PPP2R2C: variants seen among roughly 807,000 people sequenced by gnomAD.
PPP2R2C encodes the protein protein phosphatase 2 regulatory subunit Bgamma, also known as protein phosphatase 2, regulatory subunit B, gamma.
A neutral mutation model predicts 45.3 loss-of-function variants in PPP2R2C; 10 were observed. That is an observed-to-expected ratio of 0.22 (90% confidence interval 0.14 to 0.37). The LOEUF is 0.37. Ranked by LOEUF, PPP2R2C falls within the 10% of genes least tolerant of loss-of-function variation. The pLI is 1.00. For missense variants in PPP2R2C, 308 were observed against 619.7 expected, an observed-to-expected ratio of 0.50 and a Z score of 5.34; for synonymous variants, 257 against 245.4, an observed-to-expected ratio of 1.05 and a Z score of -0.44.
At position 6,481,258 on chromosome 4, in the gene PPP2R2C, TA is replaced by T. The variant is rs1722339059; in HGVS notation, c.49+54012del. 2.6e-5 allele frequency among the ~76,000 whole-genome samples: 4 copies of T among 152,226 alleles called. No individual in the cohort carries two copies. In the South Asian group the frequency reaches 8.3e-4, roughly 32 times the overall value. On this transcript the variant is annotated intron_variant, in intron 2 of 9. Transcript: ENST00000506140. ...ACCAATACTTGTCTACCCGCTGAGTTATAAAGGTAGTAAACAGAATGTCCTT... is the reference window on the plus strand; with the variant it reads ...ACCAATACTTGTCTACCCGCTGAGTTTAAAGGTAGTAAACAGAATGTCCTT...
intron 1 of PPP2R2C, among the ~76,000 whole-genome samples, chr4:6,425,437 G>A (rs1227359438): frequency 6.6e-6 from 1 of 152,182 alleles, no homozygotes; most frequent in East Asian, 1.9e-4. Context: ...CCCTCCTCAT[G>A]AGTCATGTGA....
chr4:6,542,148 C>A (rs1220177099), intron 1 of PPP2R2C, among the ~76,000 whole-genome samples: 5 of 152,184 alleles, frequency 3.3e-5, no homozygotes, highest in Admixed American at 2.6e-4. Context: ...ACCATGTGAA[C>A]AAACTGAAGC....
chr4:6,349,326 G>A, intron 5 of PPP2R2C: 1 of 982,650 alleles, frequency 1.0e-6, no homozygotes, highest in Non-Finnish European at 1.2e-6. Context: ...GTGACCCTGA[G>A]TGAGTTCCCA....
chr4:6,372,281 A>G (rs1714893982), intron 5 of PPP2R2C, among the ~76,000 whole-genome samples: 1 of 152,204 alleles, frequency 6.6e-6, no homozygotes, highest in South Asian at 2.1e-4. Context: ...GATCATGGCC[A>G]TGCTGGAGGA....
Position 6,378,823 on chromosome 4 carries a change from T to C in PPP2R2C, c.169-251A>G, listed in dbSNP as rs546903544. Among the ~76,000 whole-genome samples the C allele has an allele frequency of 6.6e-6, 1 of 151,970 alleles. No individual in the cohort carries two copies. Among genetic ancestry groups the C allele is most frequent in the Admixed American group, 6.5e-5 (1 of 15,286 alleles). On this transcript the variant is annotated intron_variant, in intron 2 of 8. Coordinates refer to ENST00000382599, the MANE Select transcript of PPP2R2C (RefSeq NM_020416.4). The surrounding 1 kb of genome is among the most constrained non-coding windows in gnomAD (Gnocchi z 5.2). ...GCCGGCTAACTTGCTAATGCGAATGTTCCCCAGCGCCTGCTACAAGCTGGA... is the reference window on the plus strand; with the variant it reads ...GCCGGCTAACTTGCTAATGCGAATGCTCCCCAGCGCCTGCTACAAGCTGGA...
chr4:6,368,660 TG>T lies in PPP2R2C; in HGVS notation c.625+3862del, dbSNP rs1326749030. On this transcript the variant is annotated intron_variant, in intron 5 of 8. Coordinates refer to ENST00000382599, the MANE Select transcript of PPP2R2C (RefSeq NM_020416.4). This position sits in a 1 kb window ranked among gnomAD's most constrained non-coding sequence, Gnocchi z 4.2. ...TCTTGTGGCCACCCCGATCCAAAAC[TG>T]GTTATGATACAATCCAAATCTATGA... Among the ~76,000 whole-genome samples, 2 of 152,088 alleles carry T rather than the reference TG, an allele frequency of 1.3e-5. No homozygotes were observed. Among genetic ancestry groups the T allele is most frequent in the East Asian group, 3.9e-4 (2 of 5,188 alleles).
At position 6,334,341 on chromosome 4, in the gene PPP2R2C, CT is replaced by C. The variant is rs577045359; in HGVS notation, c.791-611del. Among the ~76,000 whole-genome samples, 33 of 152,288 alleles carry C rather than the reference CT, an allele frequency of 2.2e-4. No homozygotes were observed. The South Asian group carries it at 5.0e-3, about 23-fold the overall frequency. On this transcript the variant is annotated intron_variant, in intron 6 of 8. Coordinates refer to ENST00000382599, the MANE Select transcript of PPP2R2C (RefSeq NM_020416.4). ...CTGTATGCCATCCACTGACCATCTC[CT>C]TTTTTCTTGGAGCACCTGCTCTGCA...
intron 5 of PPP2R2C, among the ~76,000 whole-genome samples, chr4:6,365,073 T>G (rs1714164138): frequency 1.3e-5 from 2 of 152,146 alleles, no homozygotes; most frequent in African/African-American, 4.8e-5. Context: ...TTGGCTTGGA[T>G]CATCACCTCT....
chr4:6,321,730 C>G lies in PPP2R2C; in HGVS notation c.*1572G>C, dbSNP rs879520889. The G allele has an allele frequency of 9.2e-5, 14 of 152,062 alleles. No homozygotes were observed. Among genetic ancestry groups the G allele is most frequent in the Non-Finnish European group, 1.9e-4 (13 of 68,036 alleles). 9.4% of individuals were successfully genotyped at this position (152,062 alleles called of 1,614,324 possible). On this transcript the variant is annotated 3_prime_UTR_variant, in exon 9 of 9. Coordinates refer to ENST00000382599, the MANE Select transcript of PPP2R2C (RefSeq NM_020416.4). ...CCACTTTCTGAATCAAAATGCCAAACTACGTGGCTCTGCTGCAAGTCCATG... is the reference window on the plus strand; with the variant it reads ...CCACTTTCTGAATCAAAATGCCAAAGTACGTGGCTCTGCTGCAAGTCCATG...
At chr4:6,501,646 G>T (rs115875191) in intron 2 of PPP2R2C, among the ~76,000 whole-genome samples, 4,726 of 152,308 alleles carry the variant, frequency 0.031, 252 homozygotes, top group African/African-American at 0.11. Flanking sequence ...AGGAAGCAAT[G>T]GGGGAAAGGA....
intron 5 of PPP2R2C, among the ~76,000 whole-genome samples, chr4:6,358,691 G>A (rs1017812710): frequency 8.5e-5 from 13 of 152,154 alleles, no homozygotes; most frequent in African/African-American, 3.1e-4. Context: ...CAAAGGATAT[G>A]AAGAGATACT....
chr4:6,472,071 G>C, intron 1 of PPP2R2C, 89 bp downstream of exon 1: 1 of 1,532,136 alleles, frequency 6.5e-7, no homozygotes. Flanking sequence ...GACACACATC[G>C]CGCGGTCCAA....
chr4:6,347,790 C>T, intron 6 of PPP2R2C, 56 bp downstream of exon 6: 123 of 539,076 alleles, frequency 2.3e-4, no homozygotes, highest in Middle Eastern at 5.0e-4. Context: ...GACAGGACAT[C>T]CCACCCGCCC....
In PPP2R2C at chr4:6,373,901, ATGTGTG is replaced by A. The variant is rs60094669; in HGVS notation, c.448-1207_448-1202del. On this transcript the variant is annotated intron_variant, in intron 4 of 8. Coordinates refer to ENST00000382599, the MANE Select transcript of PPP2R2C (RefSeq NM_020416.4). ...ACTGAGTATACGTGTATGTGCATGCATGTGTGTGTGTGTGTGTGTGTGTGTGTGCAC... is the reference window on the plus strand; with the variant it reads ...ACTGAGTATACGTGTATGTGCATGCATGTGTGTGTGTGTGTGTGTGTGCAC... 2.4e-3 allele frequency among the ~76,000 whole-genome samples: 354 copies of A among 146,538 alleles called. 1 individual carries two copies. The highest frequency in any genetic ancestry group is 8.0e-3 in the African/African-American group (312 of 38,904).
intron 2 of PPP2R2C, among the ~76,000 whole-genome samples, chr4:6,504,731 G>A (rs565313762): frequency 2.0e-5 from 3 of 152,160 alleles, no homozygotes; most frequent in Admixed American, 6.5e-5. Context: ...AGTGAAGGGA[G>A]ATCGACAGAA....
At chr4:6,357,816 G>C (rs1031190416) in intron 5 of PPP2R2C, among the ~76,000 whole-genome samples, 3 of 152,176 alleles carry the variant, frequency 2.0e-5, no homozygotes, top group Non-Finnish European at 2.9e-5. Flanking sequence ...GCAAAGCGGG[G>C]TTTCTTCCAC....
chr4:6,348,526 C>A lies in PPP2R2C; in HGVS notation c.626-516G>T, dbSNP rs549655487. 4.0e-4 allele frequency: 221 copies of A among 548,256 alleles called. 2 individuals are homozygous for A. The African/African-American group carries it at 4.2e-3, about 10-fold the overall frequency. 34.0% of individuals were successfully genotyped at this position (548,256 alleles called of 1,614,324 possible). A position where few individuals can be genotyped will look rare whatever the true frequency, so the allele number is the denominator to read the frequency against. On this transcript the variant is annotated intron_variant, in intron 5 of 8. Coordinates refer to ENST00000382599, the MANE Select transcript of PPP2R2C (RefSeq NM_020416.4). ...GGAGCTCCCCTTCCTGCCCCCGGCACCTGCTCCCCTTCTTCTGACCACAGT... is the reference window on the plus strand; with the variant it reads ...GGAGCTCCCCTTCCTGCCCCCGGCAACTGCTCCCCTTCTTCTGACCACAGT...
At chr4:6,504,567 G>T (rs993368594) in intron 2 of PPP2R2C, among the ~76,000 whole-genome samples, 1 of 152,030 alleles carries the variant, frequency 6.6e-6, no homozygotes, top group African/African-American at 2.4e-5. Flanking sequence ...AAATCATAAT[G>T]AATTTAAAAA....
chr4:6,472,415 A>C lies in PPP2R2C; in HGVS notation c.-186T>G. 2 of 786,224 alleles carry C rather than the reference A, an allele frequency of 2.5e-6. No homozygotes were observed. The highest frequency in any genetic ancestry group is 3.1e-6 in the Non-Finnish European group (2 of 650,744). 48.7% of individuals were successfully genotyped at this position (786,224 alleles called of 1,614,324 possible). ...GCGGCCGGGGGCGGGCGCCGCGGTC[A>C]AGCGAGCGCGCGGTGGGCGGGCGGC... On this transcript the variant is annotated 5_prime_UTR_variant, in exon 1 of 9. The change abolishes the stop of an existing upstream ORF in the 5' untranslated region. Coordinates refer to ENST00000382599, the MANE Select transcript of PPP2R2C (RefSeq NM_020416.4).
Sources: gnomAD v4.1 joint callset for allele counts (sites outside exome capture counted in the v4.1 genomes callset) on GRCh38, gnomAD v4.1.1 for gene constraint, Gnocchi (gnomAD v3.1) non-coding constraint, MANE v1.5 for transcripts, NCBI Gene and HGNC (gene_info 2026-07-23, HGNC 2026-07-21) for gene names.